The following SPTA1 variants were observed in gnomAD, a reference collection of about 807,000 sequenced individuals.
SPTA1 encodes the protein spectrin alpha, erythrocytic 1.
In SPTA1, 177 loss-of-function variants were observed where a neutral mutation model predicts 324.7. The ratio of observed to expected loss-of-function variants is 0.55; its 90% confidence interval spans 0.48 to 0.62. The LOEUF is 0.62. Among genes scored for constraint, SPTA1 ranks in the 20% least tolerant of loss-of-function variants. The pLI is 0.00. For missense variants in SPTA1, 3,162 were observed against 2,883.6 expected (o/e 1.10, Z -2.21); for synonymous variants, 1,195 against 1,041.3 (o/e 1.15, Z -2.84).
intron 51 of SPTA1, 124 bp downstream of exon 51, chr1:158,612,693 G>T: frequency 9.7e-7 from 1 of 1,029,864 alleles, no homozygotes; most frequent in Non-Finnish European, 1.5e-6. Flanking sequence ...GACATCTTGT[G>T]AAAGGGGAGG....
chr1:158,659,765 C>A (rs560304358), intron 18 of SPTA1, among the ~76,000 whole-genome samples: 1 of 96,750 alleles, frequency 1.0e-5, no homozygotes, highest in Non-Finnish European at 1.8e-5. Context: ...CGCCCGCCAC[C>A]GCGCCCGGCT....
intron 16 of SPTA1, among the ~76,000 whole-genome samples, chr1:158,665,608 A>G (rs2101898759): frequency 6.6e-6 from 1 of 152,314 alleles, no homozygotes; most frequent in South Asian, 2.1e-4. Context: ...ATTTTAAATA[A>G]GAGTCTGTTA....
rs149033692 is a variant in SPTA1, at chr1:158,683,211, A to G, written c.390+160T>C. On this transcript the variant is annotated intron_variant, in intron 3 of 51. Transcript: ENST00000643759. Reference sequence around the variant, plus strand: ...GCTCTCTTCACCCCAAGAAACACGAAGATATCCCATCATTTTTTATGCCTC... The same window carrying G: ...GCTCTCTTCACCCCAAGAAACACGAGGATATCCCATCATTTTTTATGCCTC... Among the ~76,000 whole-genome samples, 267 of 152,234 alleles carry G rather than the reference A, an allele frequency of 1.8e-3. 1 individual carries two copies. Among genetic ancestry groups the G allele is most frequent in the African/African-American group, 6.1e-3 (254 of 41,548 alleles).
intron 39 of SPTA1, among the ~76,000 whole-genome samples, chr1:158,629,187 C>A (rs12122961): frequency 0.16 from 23,552 of 148,168 alleles, 1,978 homozygotes; most frequent in Middle Eastern, 0.24. Context: ...CAAAATATAT[C>A]TCTATCTATC....
chr1:158,648,767 C>A (rs961176442), intron 25 of SPTA1, 114 bp from the exon 26 acceptor site: 3 of 1,070,788 alleles, frequency 2.8e-6, no homozygotes, highest in Middle Eastern at 2.9e-4. Context: ...CACCCACCCC[C>A]CCACCCCAAC....
Position 158,652,508 on chromosome 1 carries a change from C to A in SPTA1, c.3334G>T (p.Asp1112Tyr), listed in dbSNP as rs142379038. 22 of 1,614,182 alleles carry A rather than the reference C, an allele frequency of 1.4e-5. No homozygotes were observed. In the East Asian group the frequency reaches 4.7e-4, roughly 34 times the overall value. The change falls in exon 23 of 52, where the codon GAT becomes TAT. Residue 1112 changes from aspartate to tyrosine, a missense_variant. Coordinates refer to ENST00000643759, the MANE Select transcript of SPTA1 (RefSeq NM_003126.4). Reference sequence around the variant, plus strand: ...AACTTTTTCTGCAGCTCCCAAACATCATCTAGTTCCACTCCAGTGTTTTCT... The same window carrying A: ...AACTTTTTCTGCAGCTCCCAAACATAATCTAGTTCCACTCCAGTGTTTTCT... ...KAENTGVELD[D>Y]VWELQKKFDE...
chr1:158,662,939 C>T lies in SPTA1; in HGVS notation c.2227G>A (p.Val743Met). 1 of 1,613,970 alleles carries T rather than the reference C, an allele frequency of 6.2e-7. No individual in the cohort carries two copies. Among genetic ancestry groups the T allele is most frequent in the Non-Finnish European group, 8.5e-7 (1 of 1,179,938 alleles). The change falls in exon 17 of 52, where the codon GTG becomes ATG. Residue 743 changes from valine (V) to methionine (M), a missense_variant. Coordinates refer to ENST00000643759, the MANE Select transcript of SPTA1 (RefSeq NM_003126.4). Reference sequence around the variant, plus strand: ...GCAGCCAGGTCTGTAAGGATATCCACCTGATCCTAAGGGAGAAATAGAATG... The same window carrying T: ...GCAGCCAGGTCTGTAAGGATATCCATCTGATCCTAAGGGAGAAATAGAATG... ...ESAVAARQDQVDILTDLAAYF... is the reference protein window; with the variant it reads ...ESAVAARQDQMDILTDLAAYF...
rs1650572055 is a variant in SPTA1, at chr1:158,630,057, A to G, written c.5566-2334T>C. Among the ~76,000 whole-genome samples the G allele has an allele frequency of 2.0e-5, 3 of 152,166 alleles. No homozygotes were observed. The South Asian group carries it at 6.2e-4, about 32-fold the overall frequency. ...ATGGATTAGAAGATTTAATATTGTTAAAATGTGAATACTACCCAAAGTGAT... is the reference window on the plus strand; with the variant it reads ...ATGGATTAGAAGATTTAATATTGTTGAAATGTGAATACTACCCAAAGTGAT... On this transcript the variant is annotated intron_variant, in intron 39 of 51. Coordinates refer to ENST00000643759, the MANE Select transcript of SPTA1 (RefSeq NM_003126.4).
chr1:158,660,062 G>A (rs1321751969), intron 18 of SPTA1, among the ~76,000 whole-genome samples: 1 of 151,986 alleles, frequency 6.6e-6, no homozygotes, highest in Non-Finnish European at 1.5e-5. Flanking sequence ...TAGCTAATAG[G>A]CCAATTTGAA....
chr1:158,671,487 T>A, intron 11 of SPTA1, 34 bp from the exon 12 acceptor site: 1 of 1,553,484 alleles, frequency 6.4e-7, no homozygotes, highest in Non-Finnish European at 8.9e-7. Context: ...CTAAGCTGTG[T>A]CTGACCGGTA....
chr1:158,628,237 G>A (rs1357122066), intron 39 of SPTA1, among the ~76,000 whole-genome samples: 2 of 152,064 alleles, frequency 1.3e-5, no homozygotes, highest in Non-Finnish European at 2.9e-5. Context: ...GAGAAGTGAG[G>A]CTGAAGCATG....
At chr1:158,664,616 T>C (rs750322238) in intron 16 of SPTA1, among the ~76,000 whole-genome samples, 3 of 152,158 alleles carry the variant, frequency 2.0e-5, no homozygotes, top group African/African-American at 2.4e-5. Context: ...TGTATACTTA[T>C]GTAACAAACC....
chr1:158,678,669 T>G, intron 5 of SPTA1, 135 bp from the exon 6 acceptor site: 1 of 1,109,414 alleles, frequency 9.0e-7, no homozygotes, highest in African/African-American at 1.6e-5. Context: ...GACACTGAAC[T>G]TCATCATAGC....
intron 39 of SPTA1, among the ~76,000 whole-genome samples, chr1:158,629,339 A>C (rs539263423): frequency 1.3e-5 from 2 of 152,052 alleles, no homozygotes; most frequent in Admixed American, 1.3e-4. Flanking sequence ...TATATACCAC[A>C]AACAAGCAGA....
At chr1:158,682,598 T>C (rs1396597547) in intron 3 of SPTA1, among the ~76,000 whole-genome samples, 1 of 152,176 alleles carries the variant, frequency 6.6e-6, no homozygotes, top group East Asian at 1.9e-4. Context: ...ATTTTTATGC[T>C]ATATATAGAA....
intron 22 of SPTA1, among the ~76,000 whole-genome samples, chr1:158,652,939 G>T (rs969888820): frequency 8.5e-5 from 13 of 152,122 alleles, no homozygotes; most frequent in Non-Finnish European, 1.9e-4. Context: ...TTTTTACATG[G>T]TAACTGACAA....
chr1:158,677,566 C>T, intron 7 of SPTA1, 124 bp downstream of exon 7: 1 of 1,192,592 alleles, frequency 8.4e-7, no homozygotes, highest in Non-Finnish European at 1.2e-6. Flanking sequence ...CAAGTGCACA[C>T]AATTTCTTCT....
At chr1:158,681,454 C>A in intron 4 of SPTA1, 73 bp downstream of exon 4, 1 of 1,606,500 alleles carries the variant, frequency 6.2e-7, no homozygotes, top group Non-Finnish European at 8.5e-7. Context: ...GAGTAGTCTG[C>A]AGTAATTTGC....
At position 158,674,312 on chromosome 1, in the gene SPTA1, C is replaced by A; in HGVS notation, c.1350+17G>T. 1 of 1,611,468 alleles carries A rather than the reference C, an allele frequency of 6.2e-7. No homozygotes were observed. The highest frequency in any genetic ancestry group is 8.5e-7 in the Non-Finnish European group (1 of 1,177,642). On this transcript the variant is annotated intron_variant, in intron 10 of 51. Coordinates refer to ENST00000643759, the MANE Select transcript of SPTA1 (RefSeq NM_003126.4). ...ATATATAATTGGAATTTGACAAACT[C>A]TGTTAAACTAGATTACCTTTTCCCG...
Sources: gnomAD v4.1 joint callset for allele counts (sites outside exome capture counted in the v4.1 genomes callset) on GRCh38, gnomAD v4.1.1 for gene constraint, MANE v1.5 for transcripts, NCBI Gene and HGNC (gene_info 2026-07-23, HGNC 2026-07-21) for gene names.